The following TNFRSF11A variants were observed in gnomAD, a reference collection of about 807,000 sequenced individuals.
TNFRSF11A encodes tumor necrosis factor receptor superfamily member 11A.
TNFRSF11A carries 32 observed loss-of-function variants against 55.7 expected under a neutral mutation model. The observed-to-expected ratio is 0.57, with a 90% CI of 0.43 to 0.77. The LOEUF is 0.77. TNFRSF11A is among the 30% of genes least tolerant of loss of function. The pLI, the probability that TNFRSF11A is intolerant of heterozygous loss-of-function variation, is 0.00. For missense variants in TNFRSF11A, 753 were observed against 809.8 expected, an observed-to-expected ratio of 0.93 and a Z score of 0.85; for synonymous variants, 311 against 331.0, an observed-to-expected ratio of 0.94 and a Z score of 0.65.
chr18:62,368,263 T>A (rs1292007315), intron 8 of TNFRSF11A, among the ~76,000 whole-genome samples: 1 of 152,230 alleles, frequency 6.6e-6, no homozygotes, highest in Non-Finnish European at 1.5e-5. Context: ...TCTCAGTATA[T>A]TTCCTCATTT....
At chr18:62,384,630 G>A in intron 9 of TNFRSF11A, 121 bp from the exon 10 acceptor site, 3 of 1,208,630 alleles carry the variant, frequency 2.5e-6, no homozygotes, top group Non-Finnish European at 3.5e-6. Context: ...GTGGTTCCCT[G>A]TGGCCCCGGG....
intron 1 of TNFRSF11A, among the ~76,000 whole-genome samples, chr18:62,329,373 A>C (rs2046118610): frequency 6.6e-6 from 1 of 152,194 alleles, no homozygotes; most frequent in South Asian, 2.1e-4. Context: ...GCCTCTGAGC[A>C]CACAGGCTGC....
At chr18:62,380,966 C>G (rs78578966) in intron 9 of TNFRSF11A, among the ~76,000 whole-genome samples, 2,970 of 152,150 alleles carry the variant, frequency 0.02, 96 homozygotes, top group African/African-American at 0.069. Context: ...CCACACCCAA[C>G]TAACTTTTTT....
intron 1 of TNFRSF11A, among the ~76,000 whole-genome samples, chr18:62,335,431 G>A (rs1426795904): frequency 6.6e-6 from 1 of 152,086 alleles, no homozygotes; most frequent in Non-Finnish European, 1.5e-5. Flanking sequence ...ATGTAAAATT[G>A]CAAAAGACCA....
Position 62,369,239 on chromosome 18 carries a change from A to T in TNFRSF11A, c.1322A>T (p.Asn441Ile). 1 of 1,613,736 alleles carries T rather than the reference A, an allele frequency of 6.2e-7. No homozygotes were observed. The highest frequency in any genetic ancestry group is 1.7e-4 in the Middle Eastern group (1 of 6,060). ...CPHWAASPSPNWADVCTGCRN... is the reference protein window; with the variant it reads ...CPHWAASPSPIWADVCTGCRN... ...CACTGGGCAGCCAGCCCCAGCCCCA[A>T]CTGGGCAGATGTCTGCACAGGCTGC... Residue 441 changes from asparagine to isoleucine, a missense_variant, in exon 9 of 10, where the codon AAC (asparagine) becomes ATC (isoleucine). Physicochemically the swap from Asn to Ile is moderately radical, Grantham distance 149. This residue lies in a region of TNFRSF11A where 567 missense variants were observed against 596.7 expected (regional missense o/e 0.95). Transcript: ENST00000586569.
intron 9 of TNFRSF11A, among the ~76,000 whole-genome samples, chr18:62,377,745 T>A (rs1437671982): frequency 7.2e-5 from 11 of 152,224 alleles, no homozygotes; most frequent in Non-Finnish European, 1.6e-4. Flanking sequence ...TTATTTGTTT[T>A]CTTATTGTTG....
At chr18:62,331,254 G>A (rs148956922) in intron 1 of TNFRSF11A, among the ~76,000 whole-genome samples, 14 of 152,032 alleles carry the variant, frequency 9.2e-5, no homozygotes, top group Admixed American at 2.6e-4. Context: ...AATAAGACAC[G>A]GCAGCTGTCA....
At chr18:62,366,066 C>T (rs988013301) in intron 7 of TNFRSF11A, among the ~76,000 whole-genome samples, 1 of 152,204 alleles carries the variant, frequency 6.6e-6, no homozygotes, top group African/African-American at 2.4e-5. Flanking sequence ...GATCCACCTG[C>T]CTTGGCCTCC....
At chr18:62,334,556 C>T (rs960482682) in intron 1 of TNFRSF11A, among the ~76,000 whole-genome samples, 3 of 152,138 alleles carry the variant, frequency 2.0e-5, no homozygotes, top group Non-Finnish European at 4.4e-5. Context: ...CATAAGCTTT[C>T]GGAAGTAGGT....
At chr18:62,360,695 C>G (rs1185452364) in intron 6 of TNFRSF11A, among the ~76,000 whole-genome samples, 3 of 152,144 alleles carry the variant, frequency 2.0e-5, no homozygotes, top group African/African-American at 7.2e-5. Flanking sequence ...GATCTGCCCG[C>G]CTTGGTCTCC....
intron 4 of TNFRSF11A, among the ~76,000 whole-genome samples, chr18:62,356,343 C>G (rs1909253846): frequency 6.6e-6 from 1 of 152,184 alleles, no homozygotes. Flanking sequence ...CTTTCTCTTA[C>G]AAAAAGTCTG....
At position 62,368,918 on chromosome 18, in the gene TNFRSF11A, A is replaced by T; in HGVS notation, c.1001A>T (p.Glu334Val). The T allele has an allele frequency of 6.2e-7, 1 of 1,614,250 alleles. No homozygotes were observed. Among genetic ancestry groups the T allele is most frequent in the Non-Finnish European group, 8.5e-7 (1 of 1,180,044 alleles). The change falls in exon 9 of 10, where the codon GAG (glutamate) becomes GTG (valine). Residue 334 changes from glutamate (E) to valine (V), a missense_variant. Glu to Val is a moderately radical substitution (Grantham distance 121). Transcript: ENST00000586569. ...ARMLSLVSKT[E>V]IEEDSFRQMP... ...ATGCTCTCATTGGTCAGCAAGACCG[A>T]GATAGAGGAAGACAGCTTCAGACAG...
chr18:62,339,272 C>G (rs1028674575), intron 1 of TNFRSF11A, among the ~76,000 whole-genome samples: 6 of 152,184 alleles, frequency 3.9e-5, no homozygotes, highest in African/African-American at 9.6e-5. Context: ...CCTGCACCTG[C>G]CCGAGTCTCC....
chr18:62,366,635 A>G, intron 7 of TNFRSF11A, 73 bp from the exon 8 acceptor site: 1 of 1,485,904 alleles, frequency 6.7e-7, no homozygotes, highest in Non-Finnish European at 9.4e-7. Flanking sequence ...AATATACATA[A>G]TAACCTTTAT....
intron 1 of TNFRSF11A, among the ~76,000 whole-genome samples, chr18:62,328,991 A>C (rs770855945): frequency 2.0e-5 from 3 of 152,220 alleles, no homozygotes; most frequent in Non-Finnish European, 2.9e-5. Flanking sequence ...TTATGAGGAC[A>C]TGAAAAGGGG....
intron 3 of TNFRSF11A, among the ~76,000 whole-genome samples, chr18:62,352,662 T>C (rs918715003): frequency 6.6e-6 from 1 of 152,198 alleles, no homozygotes; most frequent in Non-Finnish European, 1.5e-5. Flanking sequence ...CTAGGAGTAG[T>C]TGGAATTTTC....
chr18:62,363,368 T>A (rs1276344222), intron 7 of TNFRSF11A, among the ~76,000 whole-genome samples: 10 of 50,748 alleles, frequency 2.0e-4, no homozygotes, highest in Non-Finnish European at 3.0e-4. Flanking sequence ...GATGACCCTT[T>A]TTTTTTTTTT....
chr18:62,351,177 A>G (rs1201250082), intron 3 of TNFRSF11A, among the ~76,000 whole-genome samples: 1 of 150,856 alleles, frequency 6.6e-6, no homozygotes, highest in African/African-American at 2.4e-5. Context: ...TAATTTTTGT[A>G]TTTTTAGTAG....
At chr18:62,330,588 G>C (rs754680976) in intron 1 of TNFRSF11A, among the ~76,000 whole-genome samples, 1 of 152,172 alleles carries the variant, frequency 6.6e-6, no homozygotes, top group Non-Finnish European at 1.5e-5. Flanking sequence ...GCCATGATCA[G>C]TTTTGTGTAT....
Sources: gnomAD v4.1 joint callset for allele counts (sites outside exome capture counted in the v4.1 genomes callset) on GRCh38, gnomAD v4.1.1 for gene constraint, gnomAD v4.1.1 regional missense constraint, MANE v1.5 for transcripts, NCBI Gene and HGNC (gene_info 2026-07-23, HGNC 2026-07-21) for gene names.